The following SYN3 variants were observed in gnomAD, a reference collection of about 807,000 sequenced individuals.
The protein encoded by SYN3 is synapsin-3.
In SYN3, 35 loss-of-function variants were observed where a neutral mutation model predicts 65.8. The observed-to-expected ratio is 0.53, with a 90% CI of 0.41 to 0.70. The LOEUF is 0.70. SYN3 is among the 30% of genes least tolerant of loss of function. The probability of loss-of-function intolerance (pLI) is 0.00; values close to 1 mark genes in which losing one functional copy is unlikely to be tolerated. For synonymous variants in SYN3, 270 were observed against 292.9 expected, an observed-to-expected ratio of 0.92 and a Z score of 0.80; for missense variants, 680 against 749.0, an observed-to-expected ratio of 0.91 and a Z score of 1.08.
At chr22:32,693,648 G>C (rs1468921439) in intron 6 of SYN3, among the ~76,000 whole-genome samples, 3 of 139,102 alleles carry the variant, frequency 2.2e-5, no homozygotes, top group African/African-American at 8.3e-5. Flanking sequence ...CAGGAGTGCA[G>C]TGGCGCAATC....
At chr22:32,581,643 G>T (rs975698415) in intron 7 of SYN3, among the ~76,000 whole-genome samples, 1 of 152,056 alleles carries the variant, frequency 6.6e-6, no homozygotes, top group African/African-American at 2.4e-5. Context: ...TACCCTAAGT[G>T]GGTGGCTGTT....
At chr22:32,965,844 G>GCA (rs1368342512) in intron 3 of SYN3, among the ~76,000 whole-genome samples, 1 of 151,994 alleles carries the variant, frequency 6.6e-6, no homozygotes, top group Non-Finnish European at 1.5e-5. Flanking sequence ...ACAGGCGCCC[G>GCA]CCACCACACC....
intron 4 of SYN3, among the ~76,000 whole-genome samples, chr22:32,925,258 CTCT>C (rs1244188262): frequency 2.0e-5 from 3 of 152,122 alleles, no homozygotes; most frequent in Non-Finnish European, 4.4e-5. Flanking sequence ...CTAAATTTCC[CTCT>C]TCTTATAAGG....
chr22:32,911,983 G>A (rs2050063457), intron 4 of SYN3, among the ~76,000 whole-genome samples: 1 of 152,130 alleles, frequency 6.6e-6, no homozygotes, highest in South Asian at 2.1e-4. Flanking sequence ...TCGAACTTTG[G>A]GCAAGACACT....
intron 1 of SYN3, among the ~76,000 whole-genome samples, chr22:33,035,167 G>A (rs1363229676): frequency 1.3e-5 from 2 of 152,152 alleles, no homozygotes; most frequent in African/African-American, 4.8e-5. Flanking sequence ...CTTTCTATGC[G>A]ACAGTAACAA....
At chr22:32,912,455 C>A (rs948182322) in intron 4 of SYN3, among the ~76,000 whole-genome samples, 1 of 152,024 alleles carries the variant, frequency 6.6e-6, no homozygotes, top group Non-Finnish European at 1.5e-5. Flanking sequence ...GTGGCTCACA[C>A]CTGTAATCCC....
intron 6 of SYN3, among the ~76,000 whole-genome samples, chr22:32,618,594 C>T (rs1218436629): frequency 7.2e-5 from 11 of 152,142 alleles, no homozygotes; most frequent in Non-Finnish European, 1.5e-4. Flanking sequence ...AAATGTGTGG[C>T]GTGCCAGAAG....
intron 6 of SYN3, among the ~76,000 whole-genome samples, chr22:32,606,147 C>T (rs1200969375): frequency 2.0e-5 from 3 of 152,164 alleles, no homozygotes; most frequent in Middle Eastern, 3.4e-3. Context: ...CTCAGGGGCA[C>T]GGCAGCAAGT....
intron 7 of SYN3, among the ~76,000 whole-genome samples, chr22:32,550,193 C>T (rs779659571): frequency 4.6e-5 from 7 of 152,082 alleles, no homozygotes; most frequent in Non-Finnish European, 7.3e-5. Context: ...AGGCTGAGCA[C>T]GTGGATCTCT....
intron 6 of SYN3, among the ~76,000 whole-genome samples, chr22:32,777,494 A>G (rs2045937404): frequency 6.6e-6 from 1 of 152,058 alleles, no homozygotes; most frequent in African/African-American, 2.4e-5. Flanking sequence ...ACTTCAGTGG[A>G]TCTGTCAGAG....
intron 2 of SYN3, among the ~76,000 whole-genome samples, chr22:32,987,929 C>T (rs761370779): frequency 1.5e-4 from 23 of 152,044 alleles, no homozygotes; most frequent in Non-Finnish European, 2.1e-4. Context: ...ATGAGTACTA[C>T]GAATAAAATG....
At chr22:32,888,097 A>T (rs1601626651) in intron 4 of SYN3, among the ~76,000 whole-genome samples, 1 of 152,148 alleles carries the variant, frequency 6.6e-6, no homozygotes, top group East Asian at 1.9e-4. Flanking sequence ...ATCATTTCAC[A>T]TGCTTGTTGG....
At chr22:32,647,539 T>C (rs1313650668) in intron 6 of SYN3, among the ~76,000 whole-genome samples, 1 of 152,008 alleles carries the variant, frequency 6.6e-6, no homozygotes, top group Non-Finnish European at 1.5e-5. Flanking sequence ...CTTGGCCTCC[T>C]GAGTTCAAGT....
At chr22:32,939,356 A>G (rs1180927305) in intron 3 of SYN3, among the ~76,000 whole-genome samples, 1 of 152,208 alleles carries the variant, frequency 6.6e-6, no homozygotes, top group Non-Finnish European at 1.5e-5. Context: ...TAAACCATAG[A>G]ACAGTGCCTT....
chr22:32,614,439 T>G (rs1264336154), intron 6 of SYN3, among the ~76,000 whole-genome samples: 5 of 152,150 alleles, frequency 3.3e-5, no homozygotes, highest in African/African-American at 1.2e-4. Context: ...GTGGAGGGAT[T>G]TGATGGTCCC....
intron 1 of SYN3, among the ~76,000 whole-genome samples, chr22:33,049,315 C>G (rs931585790): frequency 1.3e-5 from 2 of 152,178 alleles, no homozygotes; most frequent in African/African-American, 4.8e-5. Context: ...GGTGGGCTCC[C>G]CCTGCTGGAC....
At position 32,841,580 on chromosome 22, in the gene SYN3, GT is replaced by G. The variant is rs1399727471; in HGVS notation, c.711+23334del. Among the ~76,000 whole-genome samples the G allele has an allele frequency of 2.6e-5, 4 of 151,810 alleles. No homozygotes were observed. In the East Asian group the frequency reaches 5.8e-4, roughly 22 times the overall value. ...GTGTTGGATGGGTCGAATTTGAGATGTTTTATTAGGCTTGCAGGTATAAATG... is the reference window on the plus strand; with the variant it reads ...GTGTTGGATGGGTCGAATTTGAGATGTTTATTAGGCTTGCAGGTATAAATG... On this transcript the variant is annotated intron_variant, in intron 6 of 13. Transcript: ENST00000358763.
intron 6 of SYN3, among the ~76,000 whole-genome samples, chr22:32,675,719 T>A (rs1312482313): frequency 6.6e-6 from 1 of 151,474 alleles, no homozygotes; most frequent in African/African-American, 2.4e-5. Context: ...CTAAGCTGCA[T>A]GAAGGCTGAC....
intron 6 of SYN3, among the ~76,000 whole-genome samples, chr22:32,791,186 A>G (rs186986461): frequency 6.6e-6 from 1 of 152,350 alleles, no homozygotes; most frequent in East Asian, 1.9e-4. Flanking sequence ...TGTATATTAC[A>G]TAGAATAGGA....
Sources: allele counts gnomAD v4.1 joint callset (sites outside exome capture counted in the v4.1 genomes callset), GRCh38; gene constraint gnomAD v4.1.1; transcripts MANE v1.5; gene names NCBI Gene and HGNC (gene_info 2026-07-23, HGNC 2026-07-21).